TK2: variants seen among roughly 807,000 people sequenced by gnomAD.
TK2 encodes the protein thymidine kinase 2, mitochondrial.
Under a neutral mutation model 41.9 loss-of-function variants are expected in TK2, and 35 were observed. That is an observed-to-expected ratio of 0.84 (90% confidence interval 0.64 to 1.11). The LOEUF (loss-of-function observed/expected upper bound fraction) is 1.11, where lower values mean the gene tolerates loss of function less well. TK2 is among the 50% of genes least tolerant of loss of function. The pLI, the probability that TK2 is intolerant of heterozygous loss-of-function variation, is 0.00. For synonymous variants in TK2, 128 were observed against 129.1 expected (o/e 0.99, Z 0.06); for missense variants, 320 against 351.1 (o/e 0.91, Z 0.71).
intron 2 of TK2, among the ~76,000 whole-genome samples, chr16:66,547,696 A>AACCTCCCCCATCAGACAG (rs1965651736): frequency 6.6e-6 from 1 of 150,578 alleles, no homozygotes; most frequent in East Asian, 2.0e-4. Flanking sequence ...CCATCAGACA[A>AACCTCCCCCATCAGACAG]ACCTCCCCCA....
intron 8 of TK2, among the ~76,000 whole-genome samples, chr16:66,515,853 C>T (rs1335864029): frequency 6.6e-6 from 1 of 152,144 alleles, no homozygotes; most frequent in Non-Finnish European, 1.5e-5. Context: ...GTGCTGGCAC[C>T]AAGGAAAAAC....
chr16:66,526,069 T>C (rs1461801751), intron 6 of TK2, among the ~76,000 whole-genome samples: 1 of 151,988 alleles, frequency 6.6e-6, no homozygotes, highest in Non-Finnish European at 1.5e-5. Flanking sequence ...GGGCGTGAGT[T>C]ACCAAAGCCC....
intron 6 of TK2, among the ~76,000 whole-genome samples, chr16:66,518,581 G>A (rs989042128): frequency 2.3e-4 from 35 of 152,204 alleles, no homozygotes; most frequent in African/African-American, 7.7e-4. Context: ...TGCTCACCGC[G>A]GCACTGTTTA....
chr16:66,545,973 T>C (rs1567541643), intron 2 of TK2, among the ~76,000 whole-genome samples: 1 of 152,032 alleles, frequency 6.6e-6, no homozygotes, highest in Non-Finnish European at 1.5e-5. Flanking sequence ...CCAGAAGAGA[T>C]TGCAAATGGG....
At chr16:66,537,090 G>A in intron 3 of TK2, 73 bp from the exon 4 acceptor site, 3 of 1,586,546 alleles carry the variant, frequency 1.9e-6, no homozygotes, top group Non-Finnish European at 2.6e-6. Flanking sequence ...AGTGTTGAGG[G>A]GAAAGTGAGG....
chr16:66,549,819 G>T (rs910397338), intron 1 of TK2, 119 bp downstream of exon 1: 8 of 1,287,166 alleles, frequency 6.2e-6, no homozygotes. Flanking sequence ...CGCAGCCGGG[G>T]AGGAAATCCC....
chr16:66,511,061 G>A lies in TK2; in HGVS notation c.*907C>T, dbSNP rs899406467. On this transcript the variant is annotated 3_prime_UTR_variant, in exon 10 of 10. Coordinates refer to ENST00000544898, the MANE Select transcript of TK2 (RefSeq NM_004614.5). ...CACAGACAGTACGGGAGCCTTGGAA[G>A]CCAGGGCTGGCTGCCCCTTGCCCCA... 2 of 152,262 alleles carry A rather than the reference G, an allele frequency of 1.3e-5. No individual in the cohort carries two copies. The highest frequency in any genetic ancestry group is 1.3e-4 in the Admixed American group (2 of 15,280). 9.4% of individuals were successfully genotyped at this position (152,262 alleles called of 1,614,324 possible).
intron 3 of TK2, 44 bp downstream of exon 3, chr16:66,541,835 T>C: frequency 6.2e-7 from 1 of 1,602,436 alleles, no homozygotes; most frequent in Non-Finnish European, 8.5e-7. Context: ...AATTATCCCA[T>C]CAAGCTTTCT....
At position 66,541,963 on chromosome 16, in the gene TK2, G is replaced by A. The variant is rs774411439; in HGVS notation, c.157-10C>T. 6.2e-7 allele frequency: 1 copy of A among 1,614,040 alleles called. No individual in the cohort carries two copies. The highest frequency in any genetic ancestry group is 8.5e-7 in the Non-Finnish European group (1 of 1,179,946). On this transcript the variant is annotated splice_polypyrimidine_tract_variant and intron_variant, in intron 2 of 9. Coordinates refer to ENST00000544898, the MANE Select transcript of TK2 (RefSeq NM_004614.5). Reference sequence around the variant, plus strand: ...TGCCCTCGACACAGATCTGGCAAAAGACGAATGCATATTAGAGCCAGAACT... The same window carrying A: ...TGCCCTCGACACAGATCTGGCAAAAAACGAATGCATATTAGAGCCAGAACT...
intron 2 of TK2, among the ~76,000 whole-genome samples, chr16:66,545,802 C>A (rs1965589640): frequency 1.3e-5 from 2 of 149,578 alleles, no homozygotes; most frequent in Non-Finnish European, 3.0e-5. Context: ...CCAGCCTGGG[C>A]AACAGAGAGA....
chr16:66,516,306 A>T (rs1184766098), intron 8 of TK2, among the ~76,000 whole-genome samples: 1 of 152,216 alleles, frequency 6.6e-6, no homozygotes, highest in Non-Finnish European at 1.5e-5. Context: ...GCATAACTCC[A>T]CTGTGTATGT....
At position 66,509,408 on chromosome 16, in the gene TK2, T is replaced by A. The variant is rs1294146644; in HGVS notation, c.*2560A>T. 6.6e-6 allele frequency: 1 copy of A among 152,192 alleles called. No individual in the cohort carries two copies. The highest frequency in any genetic ancestry group is 1.9e-4 in the East Asian group (1 of 5,202). The allele number at this position is 152,192 out of a possible 1,614,324, so 9.4% of individuals were successfully genotyped here. A position where few individuals can be genotyped will look rare whatever the true frequency, so the allele number is the denominator to read the frequency against. On this transcript the variant is annotated 3_prime_UTR_variant, in exon 10 of 10. Transcript: ENST00000544898. ...TTTATGTAAAAGATAAATATATTTC[T>A]ATCTAGTTTCCAAAAAAAACCAGGT...
intron 1 of TK2, 48 bp downstream of exon 1, chr16:66,549,890 G>A (rs757176866): frequency 4.6e-5 from 61 of 1,315,322 alleles, no homozygotes; most frequent in Non-Finnish European, 5.9e-5. Context: ...GCCGGGAGTA[G>A]GTGGGCGCAT....
chr16:66,513,676 CG>C, intron 9 of TK2, 54 bp downstream of exon 9: 1 of 1,545,478 alleles, frequency 6.5e-7, no homozygotes, highest in South Asian at 1.1e-5. Context: ...TGACATTCCC[CG>C]GGTCACTCCT....
At chr16:66,539,068 G>A (rs577469329) in intron 3 of TK2, among the ~76,000 whole-genome samples, 72 of 152,292 alleles carry the variant, frequency 4.7e-4, no homozygotes, top group Non-Finnish European at 8.5e-4. Flanking sequence ...ACAGTGTTGG[G>A]CAAATAGCAG....
chr16:66,523,389 C>T (rs560147655), intron 6 of TK2, among the ~76,000 whole-genome samples: 1 of 152,220 alleles, frequency 6.6e-6, no homozygotes, highest in African/African-American at 2.4e-5. Context: ...TTCCCAGTAC[C>T]TGGCTGAACT....
At chr16:66,519,726 A>T (rs1964723884) in intron 6 of TK2, among the ~76,000 whole-genome samples, 1 of 152,150 alleles carries the variant, frequency 6.6e-6, no homozygotes, top group African/African-American at 2.4e-5. Flanking sequence ...AACATCCTCC[A>T]TTCCACTAGT....
rs1965742117 is a variant in TK2 at position 66,549,988 on chromosome 16, G to A, written c.74C>T (p.Pro25Leu). The change falls in exon 1 of 10, where the codon CCG becomes CTG. Residue 25 changes from proline (P) to leucine (L), a missense_variant. Transcript: ENST00000544898. ...CCTCCGCGGCCCGGGGCCTGAGGCC[G>A]GGCTCCCGCGACTTCCCGGCCCAAA... Reference protein sequence around the residue: ...RCFGPGSRGSPASGPGPRRVQ... With the variant: ...RCFGPGSRGSLASGPGPRRVQ... 1.3e-6 allele frequency: 2 copies of A among 1,514,830 alleles called. No individual in the cohort carries two copies. Among genetic ancestry groups the A allele is most frequent in the African/African-American group, 1.4e-5 (1 of 69,340 alleles). The allele number at this position is 1,514,830 out of a possible 1,614,324, so 93.8% of individuals were successfully genotyped here. A position where few individuals can be genotyped will look rare whatever the true frequency, so the allele number is the denominator to read the frequency against.
intron 6 of TK2, among the ~76,000 whole-genome samples, chr16:66,520,113 A>G (rs1161526527): frequency 6.6e-6 from 1 of 152,184 alleles, no homozygotes; most frequent in Non-Finnish European, 1.5e-5. Flanking sequence ...CACAGAGGCC[A>G]GGGCAGACCA....
Sources: allele counts gnomAD v4.1 joint callset (sites outside exome capture counted in the v4.1 genomes callset), GRCh38; gene constraint gnomAD v4.1.1; transcripts MANE v1.5; gene names NCBI Gene and HGNC (gene_info 2026-07-23, HGNC 2026-07-21).